The following DEUP1 variants were observed in gnomAD, a reference collection of about 807,000 sequenced individuals.
DEUP1 encodes the protein coiled-coil domain containing 67.
Under a neutral mutation model 87.4 loss-of-function variants are expected in DEUP1, and 82 were observed. That is an observed-to-expected ratio of 0.94 (90% confidence interval 0.78 to 1.13). DEUP1 has a LOEUF of 1.13. Among genes scored for constraint, DEUP1 ranks in the 50% most tolerant of loss-of-function variants. The pLI, the probability that DEUP1 is intolerant of heterozygous loss-of-function variation, is 0.00. For missense variants in DEUP1, 663 were observed against 681.5 expected (o/e 0.97, Z 0.30); for synonymous variants, 214 against 222.7 (o/e 0.96, Z 0.35).
At chr11:93,342,225 C>G (rs975711614) in intron 2 of DEUP1, among the ~76,000 whole-genome samples, 1 of 152,176 alleles carries the variant, frequency 6.6e-6, no homozygotes, top group Non-Finnish European at 1.5e-5. Flanking sequence ...AGGCAGGTTA[C>G]CGGCTACCAC....
Position 93,364,136 on chromosome 11 carries a change from G to A in DEUP1, c.298-24G>A, listed in dbSNP as rs773654574. On this transcript the variant is annotated intron_variant, in intron 4 of 13. Coordinates refer to ENST00000298050, the MANE Select transcript of DEUP1 (RefSeq NM_181645.4). The stretch of plus-strand genomic sequence containing the variant: ...TAGAAATAATTGGTAATAGTAAAAT[G>A]TTAACATTTTCTGTGATTTACAGTT... 2.7e-6 allele frequency: 4 copies of A among 1,500,842 alleles called. No individual in the cohort carries two copies. In the East Asian group the frequency reaches 9.2e-5, roughly 35 times the overall value. The allele number at this position is 1,500,842 out of a possible 1,614,324, so 93.0% of individuals were successfully genotyped here.
chr11:93,335,369 T>C (rs1002491771), intron 2 of DEUP1, among the ~76,000 whole-genome samples: 6 of 152,334 alleles, frequency 3.9e-5, no homozygotes, highest in South Asian at 4.1e-4. Context: ...TGTTCTCTTT[T>C]GGTTGAGTAA....
rs544998892 is a variant in DEUP1, at chr11:93,385,111, A to G, written c.790-287A>G. Reference sequence around the variant, plus strand: ...GTGGCACGAGCCTTTAAACCCAGCTACTCAGGAGGTTAAGGCAGGAGAATT... The same window carrying G: ...GTGGCACGAGCCTTTAAACCCAGCTGCTCAGGAGGTTAAGGCAGGAGAATT... On this transcript the variant is annotated intron_variant, in intron 7 of 13. Transcript: ENST00000298050. 5.3e-5 allele frequency among the ~76,000 whole-genome samples: 8 copies of G among 152,252 alleles called. No homozygotes were observed. The South Asian group carries it at 1.5e-3, about 28-fold the overall frequency.
intron 12 of DEUP1, chr11:93,410,949 A>C (rs1947419641): frequency 6.6e-6 from 1 of 152,208 alleles, no homozygotes; most frequent in African/African-American, 2.4e-5. Context: ...ATTTGTTGAA[A>C]GTTTCATTAA....
chr11:93,385,633 T>C (rs1394685092), intron 8 of DEUP1, 90 bp downstream of exon 8: 1 of 1,006,260 alleles, frequency 9.9e-7, no homozygotes, highest in Non-Finnish European at 1.4e-6. Flanking sequence ...AATGAGAATA[T>C]AAAGTCTATT....
At chr11:93,385,586 CATG>C in intron 8 of DEUP1, 43 bp downstream of exon 8, 1 of 1,471,624 alleles carries the variant, frequency 6.8e-7, no homozygotes, top group South Asian at 1.3e-5. Context: ...CTGTTCAAAA[CATG>C]ATGTTTGAAT....
upstream of DEUP1, chr11:93,330,512 T>TGCCGCCGCCGCCGCGCCC (rs1943412513): frequency 6.6e-6 from 1 of 152,298 alleles, no homozygotes; most frequent in South Asian, 2.1e-4. Flanking sequence ...GGGCAGCGCC[T>TGCCGCCGCCGCCGCGCCC]GCCGCCGCCG....
intron 13 of DEUP1, among the ~76,000 whole-genome samples, chr11:93,428,485 A>G (rs1014831862): frequency 1.3e-5 from 2 of 152,002 alleles, no homozygotes; most frequent in East Asian, 1.9e-4. Flanking sequence ...TAGGAGATAT[A>G]CCTAATGCTA....
At chr11:93,384,795 ACT>A (rs1946459947) in intron 7 of DEUP1, among the ~76,000 whole-genome samples, 1 of 151,994 alleles carries the variant, frequency 6.6e-6, no homozygotes. Flanking sequence ...TCATATTCAC[ACT>A]CAGTGTCATA....
chr11:93,394,459 A>G lies in DEUP1; in HGVS notation c.1042A>G (p.Ile348Val). The part of the protein sequence containing the change: ...QPNHEKELNK[I>V]RSQLQQVEEY... ...TATTTCCAGTCTCTATCTGCTGCAG[A>G]TAAGAAGCCAACTCCAACAGGTGGA... is the stretch of plus-strand genomic sequence containing the variant. The change falls in exon 10 of 14, where the codon ATA (isoleucine) becomes GTA (valine). Residue 348 changes from isoleucine (I) to valine (V), a missense_variant and splice_region_variant. Physicochemically the swap from Ile to Val is conservative, Grantham distance 29. Coordinates refer to ENST00000298050, the MANE Select transcript of DEUP1 (RefSeq NM_181645.4). 5.8e-6 allele frequency: 9 copies of G among 1,555,512 alleles called. No homozygotes were observed. Among genetic ancestry groups the G allele is most frequent in the Admixed American group, 2.1e-5 (1 of 46,532 alleles).
chr11:93,333,528 TA>T (rs1359373647), intron 2 of DEUP1, among the ~76,000 whole-genome samples: 3 of 152,174 alleles, frequency 2.0e-5, no homozygotes, highest in Non-Finnish European at 2.9e-5. Flanking sequence ...ATCCCAGAGT[TA>T]CAACTAGCAG....
In DEUP1 at chr11:93,438,010, A is replaced by G. The variant is rs773694269; in HGVS notation, c.*291A>G. ...AGGAATATTTTGGAATCAAATATGCAGTTTTTTTTCCCCACTTGAATCATG... is the reference window on the plus strand; with the variant it reads ...AGGAATATTTTGGAATCAAATATGCGGTTTTTTTTCCCCACTTGAATCATG... On this transcript the variant is annotated 3_prime_UTR_variant, in exon 14 of 14. Transcript: ENST00000298050. The G allele has an allele frequency of 2.6e-5, 6 of 234,532 alleles. No homozygotes were observed. The highest frequency in any genetic ancestry group is 5.6e-5 in the Admixed American group (1 of 17,736). 14.5% of individuals were successfully genotyped at this position (234,532 alleles called of 1,614,324 possible). A position where few individuals can be genotyped will look rare whatever the true frequency, so the allele number is the denominator to read the frequency against.
chr11:93,365,910 G>A (rs1768578854), intron 5 of DEUP1, among the ~76,000 whole-genome samples: 1 of 152,170 alleles, frequency 6.6e-6, no homozygotes, highest in African/African-American at 2.4e-5. Flanking sequence ...TATAGTAATA[G>A]CAGTGTACCA....
intron 7 of DEUP1, among the ~76,000 whole-genome samples, chr11:93,383,252 G>T (rs1043556150): frequency 9.2e-5 from 14 of 152,152 alleles, no homozygotes; most frequent in Non-Finnish European, 1.3e-4. Context: ...ACAAAATGTG[G>T]TATATCCACA....
At chr11:93,332,553 G>T (rs1209246691) in intron 2 of DEUP1, among the ~76,000 whole-genome samples, 1 of 152,202 alleles carries the variant, frequency 6.6e-6, no homozygotes, top group African/African-American at 2.4e-5. Flanking sequence ...TGGATGCGGA[G>T]GCAGGCCTCG....
intron 13 of DEUP1, among the ~76,000 whole-genome samples, chr11:93,428,298 A>T (rs1408482107): frequency 6.6e-6 from 1 of 152,100 alleles, no homozygotes; most frequent in Non-Finnish European, 1.5e-5. Context: ...CTCTGTAGGG[A>T]CATGGATGAA....
chr11:93,417,508 C>T (rs572389454), intron 13 of DEUP1, among the ~76,000 whole-genome samples: 2 of 152,164 alleles, frequency 1.3e-5, no homozygotes, highest in South Asian at 2.1e-4. Context: ...GAACTACAAA[C>T]CACTGCTCAA....
intron 13 of DEUP1, among the ~76,000 whole-genome samples, chr11:93,429,236 T>C (rs1333267901): frequency 6.6e-6 from 1 of 152,190 alleles, no homozygotes; most frequent in Non-Finnish European, 1.5e-5. Flanking sequence ...TAGAGATGTC[T>C]AAAGCCCTGA....
chr11:93,339,955 G>A (rs886960688), intron 2 of DEUP1, among the ~76,000 whole-genome samples: 2 of 152,122 alleles, frequency 1.3e-5, no homozygotes, highest in Non-Finnish European at 2.9e-5. Flanking sequence ...ATTGTCAGAA[G>A]GGGTCTGCTA....
Sources: allele counts gnomAD v4.1 joint callset (sites outside exome capture counted in the v4.1 genomes callset), GRCh38; gene constraint gnomAD v4.1.1; transcripts MANE v1.5; gene names NCBI Gene and HGNC (gene_info 2026-07-23, HGNC 2026-07-21).